IQCJ: variants seen among roughly 807,000 people sequenced by gnomAD.
IQCJ encodes IQ motif containing J, also known as IQ domain-containing protein J.
Under a neutral mutation model 11.0 loss-of-function variants are expected in IQCJ, and 9 were observed. The observed-to-expected ratio is 0.82, with a 90% CI of 0.49 to 1.43. The LOEUF (loss-of-function observed/expected upper bound fraction) is 1.43, where lower values mean the gene tolerates loss of function less well. Ranked by LOEUF, IQCJ falls within the 40% of genes most tolerant of loss-of-function variation. IQCJ has a pLI of 0.00. For missense variants in IQCJ, 146 were observed against 133.2 expected (o/e 1.10, Z -0.47); for synonymous variants, 55 against 51.3 (o/e 1.07, Z -0.31).
intron 2 of IQCJ, among the ~76,000 whole-genome samples, chr3:159,250,318 T>C (rs929481018): frequency 6.6e-6 from 1 of 152,188 alleles, no homozygotes; most frequent in Non-Finnish European, 1.5e-5. Context: ...AGGTCTGTCT[T>C]TGTTGCATAT....
chr3:159,264,223 G>A (rs1029067616), downstream of IQCJ, among the ~76,000 whole-genome samples: 2 of 152,164 alleles, frequency 1.3e-5, no homozygotes, highest in East Asian at 1.9e-4. Context: ...AAGTTTTAGT[G>A]TTGCTTTAGG....
intron 1 of IQCJ, among the ~76,000 whole-genome samples, chr3:159,116,622 A>G (rs1179793237): frequency 5.3e-4 from 7 of 13,292 alleles, no homozygotes; most frequent in East Asian, 3.5e-3. Flanking sequence ...ATGTATATAT[A>G]TATATATATA....
intron 1 of IQCJ, among the ~76,000 whole-genome samples, chr3:159,202,284 G>T (rs1724396201): frequency 6.6e-6 from 1 of 152,190 alleles, no homozygotes; most frequent in African/African-American, 2.4e-5. Context: ...ACAGTTGCCA[G>T]CCTGAGACCT....
At chr3:159,087,789 T>C (rs1225136012) in intron 1 of IQCJ, among the ~76,000 whole-genome samples, 2 of 151,796 alleles carry the variant, frequency 1.3e-5, no homozygotes, top group Non-Finnish European at 2.9e-5. Context: ...TTTTATTGCA[T>C]CTATTTGAGT....
At chr3:159,212,512 G>A (rs1725009957) in intron 1 of IQCJ, among the ~76,000 whole-genome samples, 1 of 152,184 alleles carries the variant, frequency 6.6e-6, no homozygotes, top group Admixed American at 6.5e-5. Flanking sequence ...TTCCTCTTGA[G>A]AACAATTTCT....
chr3:159,156,724 C>A (rs1343146632), intron 1 of IQCJ, among the ~76,000 whole-genome samples: 4 of 152,074 alleles, frequency 2.6e-5, no homozygotes, highest in Non-Finnish European at 5.9e-5. Flanking sequence ...TCCAGGTGTT[C>A]CACTTTTGCA....
chr3:159,075,804 A>G (rs1232469608), intron 1 of IQCJ, among the ~76,000 whole-genome samples: 4 of 152,150 alleles, frequency 2.6e-5, no homozygotes, highest in African/African-American at 9.6e-5. Context: ...TGCCTATCTT[A>G]CAGATGAGGA....
chr3:159,125,168 A>G (rs7626964), intron 1 of IQCJ, among the ~76,000 whole-genome samples: 50,010 of 152,124 alleles, frequency 0.33, 8,566 homozygotes, highest in Non-Finnish European at 0.39. Flanking sequence ...TTGACATGAT[A>G]TGATGAAAAT....
intron 3 of IQCJ, among the ~76,000 whole-genome samples, chr3:159,253,409 C>G (rs561836436): frequency 1.2e-4 from 18 of 152,182 alleles, no homozygotes; most frequent in Admixed American, 1.0e-3. Flanking sequence ...TTGAGAAAGA[C>G]TTTATTATAG....
intron 1 of IQCJ, among the ~76,000 whole-genome samples, chr3:159,197,810 C>T (rs1724076384): frequency 6.6e-6 from 1 of 151,596 alleles, no homozygotes; most frequent in East Asian, 1.9e-4. Flanking sequence ...TACTGTGGAC[C>T]CAATGTGGTC....
chr3:159,187,862 C>T (rs1386839815), intron 1 of IQCJ, among the ~76,000 whole-genome samples: 1 of 152,152 alleles, frequency 6.6e-6, no homozygotes, highest in East Asian at 1.9e-4. Flanking sequence ...GCAAGCAGGA[C>T]CTGGAATCCC....
At chr3:159,119,171 A>C (rs377337000) in intron 1 of IQCJ, among the ~76,000 whole-genome samples, 4 of 152,204 alleles carry the variant, frequency 2.6e-5, no homozygotes, top group African/African-American at 9.6e-5. Flanking sequence ...AGGATTGGCT[A>C]TCCTACTGCA....
intron 1 of IQCJ, among the ~76,000 whole-genome samples, chr3:159,196,386 G>A (rs575327445): frequency 3.9e-5 from 6 of 152,230 alleles, no homozygotes; most frequent in South Asian, 4.2e-4. Context: ...TTAGGGATAC[G>A]GCTCCCAAAA....
In IQCJ at chr3:159,197,831, G is replaced by GT. The variant is rs111720928; in HGVS notation, c.10-48001dup. ...GGACCCAATGTGGTCAGCTTTTCCT[G>GT]TTTTTTTTTTTAATCAGAAGCAAGA... On this transcript the variant is annotated intron_variant, in intron 1 of 3. Coordinates refer to ENST00000397832, the MANE Select transcript of IQCJ (RefSeq NM_001042706.3). 5.5e-3 allele frequency among the ~76,000 whole-genome samples: 801 copies of GT among 145,354 alleles called. 6 individuals carry two copies. Among genetic ancestry groups the GT allele is most frequent in the African/African-American group, 0.013 (536 of 39,824 alleles).
intron 1 of IQCJ, among the ~76,000 whole-genome samples, chr3:159,106,333 C>T (rs1023069379): frequency 1.1e-4 from 17 of 152,200 alleles, no homozygotes; most frequent in Middle Eastern, 3.4e-3. Context: ...GAGATATAAA[C>T]ATGAGAGTTG....
chr3:159,262,720 A>T lies in IQCJ; in HGVS notation c.328A>T (p.Thr110Ser). The part of the protein sequence containing the change: ...VMFLFLCPDL[T>S]FN ...GTTTCTTTTTCTATGTCCTGACTTG[A>T]CATTCAACTGAAAGCCTAGACTTTG... Residue 110 changes from threonine to serine, a missense_variant, in exon 4 of 4, where the codon ACA (threonine) becomes TCA (serine). Thr to Ser is a moderately conservative substitution (Grantham distance 58). Transcript: ENST00000397832. 6.2e-7 allele frequency: 1 copy of T among 1,613,114 alleles called. No homozygotes were observed. The highest frequency in any genetic ancestry group is 8.5e-7 in the Non-Finnish European group (1 of 1,179,344).
rs535919419 is a variant in IQCJ, at chr3:159,118,518, G to T, written c.9+49077G>T. On this transcript the variant is annotated intron_variant, in intron 1 of 3. Coordinates refer to ENST00000397832, the MANE Select transcript of IQCJ (RefSeq NM_001042706.3). ...TCTCCAAAAACCTAAAGAGGTAAAA[G>T]TTATCAGTCACATTTCATAGTTTGG... is the stretch of plus-strand genomic sequence containing the variant. Among the ~76,000 whole-genome samples the T allele has an allele frequency of 5.9e-5, 9 of 152,262 alleles. 1 individual carries two copies. The highest frequency in any genetic ancestry group is 2.2e-4 in the African/African-American group (9 of 41,550).
chr3:159,149,663 G>C (rs1012476417), intron 1 of IQCJ, among the ~76,000 whole-genome samples: 1 of 152,070 alleles, frequency 6.6e-6, no homozygotes, highest in East Asian at 1.9e-4. Flanking sequence ...ATAGTCTCCT[G>C]GTGTAAGCAT....
intron 1 of IQCJ, among the ~76,000 whole-genome samples, chr3:159,081,767 A>G (rs1216953890): frequency 6.6e-6 from 1 of 152,148 alleles, no homozygotes; most frequent in Non-Finnish European, 1.5e-5. Context: ...TGCAAAATGA[A>G]GAAGAACCCA....
Sources: gnomAD v4.1 joint callset for allele counts (sites outside exome capture counted in the v4.1 genomes callset) on GRCh38, gnomAD v4.1.1 for gene constraint, MANE v1.5 for transcripts, NCBI Gene and HGNC (gene_info 2026-07-23, HGNC 2026-07-21) for gene names.